Variants in PLCE1 observed in about 807,000 individuals in gnomAD.
PLCE1 encodes the protein phospholipase C epsilon 1.
Under a neutral mutation model 242.8 loss-of-function variants are expected in PLCE1, and 119 were observed. The observed-to-expected ratio is 0.49, with a 90% CI of 0.42 to 0.57. PLCE1 has a LOEUF of 0.57. Ranked by LOEUF, PLCE1 falls within the 20% of genes least tolerant of loss-of-function variation. The probability of loss-of-function intolerance (pLI) is 0.00; values close to 1 mark genes in which losing one functional copy is unlikely to be tolerated. For missense variants in PLCE1, 2,441 were observed against 2,788.8 expected, an observed-to-expected ratio of 0.88 and a Z score of 2.81; for synonymous variants, 945 against 1,017.4, an observed-to-expected ratio of 0.93 and a Z score of 1.35.
intron 20 of PLCE1, 161 bp from the exon 21 acceptor site, chr10:94,283,627 TAC>T (rs2052330372): frequency 1.4e-6 from 1 of 698,240 alleles, no homozygotes; most frequent in Admixed American, 2.6e-5. Flanking sequence ...ACCCAATTTT[TAC>T]AGTTATGCTT....
intron 19 of PLCE1, among the ~76,000 whole-genome samples, chr10:94,278,381 A>G (rs1035647833): frequency 7.2e-5 from 11 of 152,218 alleles, no homozygotes; most frequent in African/African-American, 2.2e-4. Flanking sequence ...TAATATAGGC[A>G]ATACCTATTG....
chr10:94,156,636 G>A (rs1368390779), intron 3 of PLCE1, among the ~76,000 whole-genome samples: 2 of 152,060 alleles, frequency 1.3e-5, no homozygotes, highest in Non-Finnish European at 2.9e-5. Context: ...TTTTTATTGA[G>A]GCTTCATCAC....
intron 4 of PLCE1, among the ~76,000 whole-genome samples, chr10:94,184,522 C>T (rs976995703): frequency 5.9e-5 from 9 of 152,224 alleles, no homozygotes; most frequent in South Asian, 2.1e-4. Flanking sequence ...TAGAGACAGG[C>T]TTTCACTATG....
chr10:94,106,496 A>G (rs1372739153), intron 2 of PLCE1, among the ~76,000 whole-genome samples: 2 of 152,190 alleles, frequency 1.3e-5, no homozygotes, highest in Non-Finnish European at 2.9e-5. Context: ...ACAATGCTGG[A>G]GTGAGCATCT....
rs937326275 is a variant in PLCE1 at position 94,060,140 on chromosome 10, A to G, written c.1206+27888A>G. Among the ~76,000 whole-genome samples the G allele has an allele frequency of 2.6e-5, 4 of 151,768 alleles. No individual in the cohort carries two copies. The East Asian group carries it at 7.7e-4, about 29-fold the overall frequency. On this transcript the variant is annotated intron_variant, in intron 2 of 32. Coordinates refer to ENST00000371380, the MANE Select transcript of PLCE1 (RefSeq NM_016341.4). ...TGATGTGAGAGGCAGTGTGGCTTTT[A>G]ATTAAGGCTTGCTACATGCTGGTCT...
chr10:94,102,707 T>G (rs1270256580), intron 2 of PLCE1, among the ~76,000 whole-genome samples: 1 of 152,160 alleles, frequency 6.6e-6, no homozygotes, highest in Admixed American at 6.5e-5. Context: ...GTCTGCATCC[T>G]CCACACCCCA....
At chr10:94,269,927 A>G (rs548843424) in intron 17 of PLCE1, among the ~76,000 whole-genome samples, 10 of 152,312 alleles carry the variant, frequency 6.6e-5, no homozygotes, top group African/African-American at 2.4e-4. Flanking sequence ...AACTGTGGCC[A>G]GGTTGTGAAG....
chr10:94,290,074 T>C (rs1335292018), intron 22 of PLCE1, among the ~76,000 whole-genome samples: 3 of 152,166 alleles, frequency 2.0e-5, no homozygotes, highest in Admixed American at 6.5e-5. Context: ...TCATCCAGGC[T>C]GGAGTGCAGT....
At chr10:94,090,654 A>G (rs1283698626) in intron 2 of PLCE1, among the ~76,000 whole-genome samples, 2 of 152,194 alleles carry the variant, frequency 1.3e-5, no homozygotes, top group African/African-American at 4.8e-5. Flanking sequence ...CATTAGATGT[A>G]GGGGACTGTG....
intron 1 of PLCE1, among the ~76,000 whole-genome samples, chr10:94,003,575 C>T (rs1360956836): frequency 7.6e-6 from 1 of 131,382 alleles, no homozygotes; most frequent in Non-Finnish European, 1.6e-5. Flanking sequence ...TGTACTTTAG[C>T]CATGGTCATC....
intron 3 of PLCE1, among the ~76,000 whole-genome samples, chr10:94,136,985 G>T (rs556875128): frequency 6.6e-6 from 1 of 152,196 alleles, no homozygotes; most frequent in South Asian, 2.1e-4. Context: ...GAGGTCAGGA[G>T]ATCAAGACCA....
intron 3 of PLCE1, among the ~76,000 whole-genome samples, chr10:94,146,399 T>C (rs977693555): frequency 6.6e-6 from 1 of 152,096 alleles, no homozygotes; most frequent in African/African-American, 2.4e-5. Flanking sequence ...ACAGCACCAT[T>C]GTAAAAAATC....
chr10:94,231,016 A>G (rs1338091426), intron 5 of PLCE1, among the ~76,000 whole-genome samples: 3 of 152,216 alleles, frequency 2.0e-5, no homozygotes, highest in Non-Finnish European at 2.9e-5. Flanking sequence ...ATATGCCCAT[A>G]TAGACAAGAA....
At chr10:94,134,123 T>G (rs1438804147) in intron 3 of PLCE1, among the ~76,000 whole-genome samples, 1 of 151,460 alleles carries the variant, frequency 6.6e-6, no homozygotes, top group East Asian at 2.0e-4. Context: ...CTTTTTGAGA[T>G]GCAGTCTTAC....
At chr10:94,168,489 TCATGCTTATACTGAGATA>T (rs1235464456) in intron 3 of PLCE1, among the ~76,000 whole-genome samples, 3 of 152,204 alleles carry the variant, frequency 2.0e-5, no homozygotes, top group Non-Finnish European at 2.9e-5. Context: ...GAGTGTGATG[TCATGCTTATACTGAGATA>T]CATGCTTATA....
At position 94,234,147 on chromosome 10, in the gene PLCE1, C is replaced by T; in HGVS notation, c.2049C>T (p.Ser683=). Residue 683 remains serine (S), a synonymous_variant, in exon 6 of 33, where the codon TCC becomes TCT. Transcript: ENST00000371380. ...SLKDAMAQHE[S]SCEYRKVVTR... Reference sequence around the variant, plus strand: ...AGGATGCTATGGCCCAGCATGAGTCCTCTTGTGAGTACAGAAAGGTGGTGA... The same window carrying T: ...AGGATGCTATGGCCCAGCATGAGTCTTCTTGTGAGTACAGAAAGGTGGTGA... 1 of 1,614,050 alleles carries T rather than the reference C, an allele frequency of 6.2e-7. No homozygotes were observed. Among genetic ancestry groups the T allele is most frequent in the Non-Finnish European group, 8.5e-7 (1 of 1,179,930 alleles).
chr10:94,251,880 T>A (rs539276326), intron 8 of PLCE1, among the ~76,000 whole-genome samples: 1 of 152,300 alleles, frequency 6.6e-6, no homozygotes, highest in African/African-American at 2.4e-5. Flanking sequence ...GTCCCAAGCA[T>A]CAAACTAGTT....
At chr10:94,019,450 T>C (rs2061337092) in intron 1 of PLCE1, among the ~76,000 whole-genome samples, 1 of 152,200 alleles carries the variant, frequency 6.6e-6, no homozygotes, top group Non-Finnish European at 1.5e-5. Flanking sequence ...GTTATAGTCT[T>C]CCCAGTCCAC....
intron 2 of PLCE1, among the ~76,000 whole-genome samples, chr10:94,101,651 G>T (rs955458176): frequency 1.3e-5 from 2 of 152,206 alleles, no homozygotes; most frequent in African/African-American, 4.8e-5. Flanking sequence ...AGGGCCAGTG[G>T]CTGGCACAGG....
Sources: allele counts gnomAD v4.1 joint callset (sites outside exome capture counted in the v4.1 genomes callset), GRCh38; gene constraint gnomAD v4.1.1; transcripts MANE v1.5; gene names NCBI Gene and HGNC (gene_info 2026-07-23, HGNC 2026-07-21).